CSMD3: variants seen among roughly 807,000 people sequenced by gnomAD.
CSMD3 encodes CUB and sushi domain-containing protein 3.
In CSMD3, 177 loss-of-function variants were observed where a neutral mutation model predicts 435.2. The observed-to-expected ratio is 0.41, with a 90% CI of 0.36 to 0.46. The LOEUF (loss-of-function observed/expected upper bound fraction) is 0.46, where lower values mean the gene tolerates loss of function less well. Ranked by LOEUF, CSMD3 falls within the 20% of genes least tolerant of loss-of-function variation. The probability of loss-of-function intolerance (pLI) is 0.34; values close to 1 mark genes in which losing one functional copy is unlikely to be tolerated. For synonymous variants in CSMD3, 1,656 were observed against 1,520.5 expected, an observed-to-expected ratio of 1.09 and a Z score of -2.07; for missense variants, 4,265 against 4,504.6, an observed-to-expected ratio of 0.95 and a Z score of 1.52.
intron 1 of CSMD3, among the ~76,000 whole-genome samples, chr8:113,327,184 G>A (rs1031623778): frequency 6.6e-6 from 1 of 152,094 alleles, no homozygotes; most frequent in African/African-American, 2.4e-5. Flanking sequence ...CTGACATCCT[G>A]CTGTTATGAG....
intron 9 of CSMD3, among the ~76,000 whole-genome samples, chr8:112,942,143 T>G (rs2083469456): frequency 6.6e-6 from 1 of 151,456 alleles, no homozygotes; most frequent in South Asian, 2.1e-4. Context: ...CAGTGTTTTT[T>G]TTTACTGTCT....
chr8:112,452,587 T>C (rs549329540), intron 32 of CSMD3, among the ~76,000 whole-genome samples: 19 of 152,334 alleles, frequency 1.2e-4, no homozygotes, highest in African/African-American at 4.3e-4. Flanking sequence ...AGTACCTACC[T>C]ACTGGTGAAT....
At chr8:112,607,917 C>T (rs533360258) in intron 22 of CSMD3, among the ~76,000 whole-genome samples, 1 of 152,242 alleles carries the variant, frequency 6.6e-6, no homozygotes, top group East Asian at 1.9e-4. Flanking sequence ...CCCACTCTCA[C>T]TAATTCTATT....
intron 60 of CSMD3, among the ~76,000 whole-genome samples, chr8:112,264,543 T>C (rs909968839): frequency 6.6e-6 from 1 of 152,060 alleles, no homozygotes; most frequent in Non-Finnish European, 1.5e-5. Flanking sequence ...ATCTAATTCA[T>C]ATCAGTATGA....
At chr8:112,363,783 A>C (rs1197078284) in intron 38 of CSMD3, among the ~76,000 whole-genome samples, 2 of 152,042 alleles carry the variant, frequency 1.3e-5, no homozygotes, top group African/African-American at 4.8e-5. Flanking sequence ...AAGAAGTGCA[A>C]TGTGTTTATA....
At chr8:112,273,698 C>T (rs1185865711) in intron 59 of CSMD3, among the ~76,000 whole-genome samples, 7 of 145,476 alleles carry the variant, frequency 4.8e-5, no homozygotes, top group Admixed American at 6.9e-5. Flanking sequence ...TGCACTCCAG[C>T]CTGGGTGACA....
intron 10 of CSMD3, among the ~76,000 whole-genome samples, chr8:112,875,259 G>T (rs896437500): frequency 6.6e-6 from 1 of 152,122 alleles, no homozygotes; most frequent in Non-Finnish European, 1.5e-5. Flanking sequence ...ACTTTCTTCT[G>T]GCTTGTAGGG....
At chr8:112,332,016 T>G (rs552660422) in intron 45 of CSMD3, among the ~76,000 whole-genome samples, 1 of 152,270 alleles carries the variant, frequency 6.6e-6, no homozygotes, top group African/African-American at 2.4e-5. Context: ...AATTCTAAAA[T>G]GATCTTTGTA....
intron 3 of CSMD3, among the ~76,000 whole-genome samples, chr8:113,225,304 T>C (rs1045551903): frequency 6.6e-6 from 1 of 151,486 alleles, no homozygotes; most frequent in Admixed American, 6.6e-5. Context: ...AGAAAGAACA[T>C]TCAGAAAAAG....
intron 1 of CSMD3, among the ~76,000 whole-genome samples, chr8:113,354,485 T>C (rs1021303707): frequency 1.3e-5 from 2 of 152,210 alleles, no homozygotes; most frequent in Non-Finnish European, 2.9e-5. Context: ...GGAATCCAAT[T>C]ATAAAGAACT....
chr8:112,462,677 C>CA (rs375816240), intron 32 of CSMD3, among the ~76,000 whole-genome samples: 2,645 of 132,122 alleles, frequency 0.02, 79 homozygotes, highest in African/African-American at 0.07. Context: ...ATATATATGA[C>CA]TATATATATG....
At chr8:112,591,605 A>C (rs1831199121) in intron 22 of CSMD3, among the ~76,000 whole-genome samples, 1 of 152,144 alleles carries the variant, frequency 6.6e-6, no homozygotes, top group African/African-American at 2.4e-5. Flanking sequence ...TTGTGAAAGC[A>C]GGCAAAATAT....
chr8:113,334,940 G>A (rs866164275), intron 1 of CSMD3, among the ~76,000 whole-genome samples: 7 of 151,942 alleles, frequency 4.6e-5, no homozygotes, highest in Non-Finnish European at 7.4e-5. Context: ...TTGGCCATAC[G>A]GTTTGGATCT....
intron 3 of CSMD3, among the ~76,000 whole-genome samples, chr8:113,253,151 C>T (rs2093349015): frequency 6.6e-6 from 1 of 152,078 alleles, no homozygotes; most frequent in Admixed American, 6.6e-5. Context: ...TGATCCTGGA[C>T]AGTACCCAAG....
At chr8:112,428,620 A>G (rs912454181) in intron 32 of CSMD3, among the ~76,000 whole-genome samples, 2 of 152,146 alleles carry the variant, frequency 1.3e-5, no homozygotes, top group Non-Finnish European at 1.5e-5. Flanking sequence ...TACATTAGCA[A>G]ATACTTACCA....
At chr8:112,855,323 T>C (rs1234329215) in intron 11 of CSMD3, among the ~76,000 whole-genome samples, 1 of 152,164 alleles carries the variant, frequency 6.6e-6, no homozygotes, top group Non-Finnish European at 1.5e-5. Context: ...TTAGTGTGAA[T>C]AGCTGCAAAG....
At chr8:112,405,220 T>C (rs1484618843) in intron 35 of CSMD3, among the ~76,000 whole-genome samples, 1 of 31,408 alleles carries the variant, frequency 3.2e-5, no homozygotes, top group Non-Finnish European at 7.3e-5. Flanking sequence ...CCCCCATATA[T>C]ATATATATAT....
At position 113,195,810 on chromosome 8, in the gene CSMD3, TATATAC is replaced by T. The variant is rs1421552016; in HGVS notation, c.515-21900_515-21895del. ...TATATTTTATATATATATATATATA[TATATAC>T]ACACACACACACACACACACACACC... On this transcript the variant is annotated intron_variant, in intron 3 of 70. Coordinates refer to ENST00000297405, the MANE Select transcript of CSMD3 (RefSeq NM_198123.2). Among the ~76,000 whole-genome samples the T allele has an allele frequency of 1.7e-3, 234 of 141,694 alleles. 2 individuals carry two copies. Among genetic ancestry groups the T allele is most frequent in the African/African-American group, 6.0e-3 (226 of 37,860 alleles). 93.0% of individuals were successfully genotyped at this position (141,694 alleles called of 152,430 possible). A position where few individuals can be genotyped will look rare whatever the true frequency, so the allele number is the denominator to read the frequency against.
chr8:113,289,829 A>T (rs942310561), intron 2 of CSMD3, among the ~76,000 whole-genome samples: 20 of 151,870 alleles, frequency 1.3e-4, no homozygotes, highest in African/African-American at 3.9e-4. Context: ...TCCCATATTG[A>T]CAATTTTTTG....
Sources: allele counts gnomAD v4.1 joint callset (sites outside exome capture counted in the v4.1 genomes callset), GRCh38; gene constraint gnomAD v4.1.1; transcripts MANE v1.5; gene names NCBI Gene and HGNC (gene_info 2026-07-23, HGNC 2026-07-21).